The following MYO1D variants were observed in gnomAD, a reference collection of about 807,000 sequenced individuals.
The protein encoded by MYO1D is unconventional myosin-Id.
Under a neutral mutation model 122.0 loss-of-function variants are expected in MYO1D, and 83 were observed. The observed-to-expected ratio is 0.68, with a 90% CI of 0.57 to 0.82. The LOEUF (loss-of-function observed/expected upper bound fraction) is 0.82. Ranked by LOEUF, MYO1D falls within the 40% of genes least tolerant of loss-of-function variation. The pLI, the probability that MYO1D is intolerant of heterozygous loss-of-function variation, is 0.00. For synonymous variants in MYO1D, 464 were observed against 446.9 expected (o/e 1.04, Z -0.48); for missense variants, 1,157 against 1,269.5 (o/e 0.91, Z 1.35).
intron 1 of MYO1D, among the ~76,000 whole-genome samples, chr17:32,864,350 T>A (rs995329630): frequency 6.6e-6 from 1 of 151,966 alleles, no homozygotes; most frequent in African/African-American, 2.4e-5. Context: ...TGTAAAGGCA[T>A]GTCCCTTAGA....
rs183644097 is a variant in MYO1D, at chr17:32,848,711, G to A, written c.95+28067C>T. On this transcript the variant is annotated intron_variant, in intron 1 of 21. Coordinates refer to ENST00000318217, the MANE Select transcript of MYO1D (RefSeq NM_015194.3). ...TTTCTGTGGGGTATCAGTCCCTGAT[G>A]ACTTCCAGCTTGAATTACTGGTGCC... is the stretch of plus-strand genomic sequence containing the variant. 5.9e-5 allele frequency among the ~76,000 whole-genome samples: 9 copies of A among 152,258 alleles called. No individual in the cohort carries two copies. In the East Asian group the frequency reaches 1.7e-3, roughly 29 times the overall value.
chr17:32,814,112 G>A (rs1012622192), intron 1 of MYO1D, among the ~76,000 whole-genome samples: 9 of 152,160 alleles, frequency 5.9e-5, no homozygotes, highest in African/African-American at 1.9e-4. Flanking sequence ...CTGGGAGGCC[G>A]AGGTGGGCAG....
intron 21 of MYO1D, among the ~76,000 whole-genome samples, chr17:32,514,650 A>G (rs887468944): frequency 1.3e-5 from 2 of 152,244 alleles, no homozygotes. Context: ...GGTAAATTAT[A>G]GTTAGTTTGA....
At chr17:32,756,447 C>G (rs1263584000) in intron 10 of MYO1D, among the ~76,000 whole-genome samples, 4 of 152,046 alleles carry the variant, frequency 2.6e-5, no homozygotes. Flanking sequence ...ATGCCATGCA[C>G]TGAGGGTACA....
chr17:32,659,136 G>C lies in MYO1D; in HGVS notation c.2324C>G (p.Ala775Gly). Residue 775 changes from alanine (A) to glycine (G), a missense_variant, in exon 17 of 22, where the codon GCC (alanine) becomes GGC (glycine). Coordinates refer to ENST00000318217, the MANE Select transcript of MYO1D (RefSeq NM_015194.3). ...PPKVLRRFEE[A>G]LQTIFNRWRA... ...TTACCTATTGAAAATCGTCTGCAGGGCCTCCTCAAAACGGCGAAGAACTTT... is the reference window on the plus strand; with the variant it reads ...TTACCTATTGAAAATCGTCTGCAGGCCCTCCTCAAAACGGCGAAGAACTTT... 1 of 1,614,114 alleles carries C rather than the reference G, an allele frequency of 6.2e-7. No homozygotes were observed. Among genetic ancestry groups the C allele is most frequent in the Non-Finnish European group, 8.5e-7 (1 of 1,180,018 alleles).
intron 21 of MYO1D, among the ~76,000 whole-genome samples, chr17:32,549,618 T>G (rs2086993614): frequency 6.6e-6 from 1 of 152,192 alleles, no homozygotes; most frequent in African/African-American, 2.4e-5. Flanking sequence ...ATGAGTTGGA[T>G]GCCATGCTAG....
At chr17:32,626,783 T>C (rs796097618) in intron 20 of MYO1D, among the ~76,000 whole-genome samples, 3 of 152,332 alleles carry the variant, frequency 2.0e-5, no homozygotes, top group African/African-American at 7.2e-5. Flanking sequence ...TTCTGACTTC[T>C]TTCTCTCTTA....
intron 1 of MYO1D, among the ~76,000 whole-genome samples, chr17:32,870,283 A>C (rs537094287): frequency 2.6e-5 from 4 of 152,304 alleles, no homozygotes; most frequent in African/African-American, 7.2e-5. Flanking sequence ...GAAGCCAAAA[A>C]GATTTAGTGT....
intron 21 of MYO1D, among the ~76,000 whole-genome samples, chr17:32,592,055 C>T (rs554620354): frequency 3.3e-5 from 5 of 152,202 alleles, no homozygotes; most frequent in East Asian, 1.9e-4. Context: ...TCTAAGTTTT[C>T]GCAATTAAAA....
intron 1 of MYO1D, among the ~76,000 whole-genome samples, chr17:32,785,570 G>A (rs1035418860): frequency 6.6e-6 from 1 of 151,988 alleles, no homozygotes; most frequent in Non-Finnish European, 1.5e-5. Context: ...TCCAATTTAG[G>A]TTCCACTCCT....
At chr17:32,856,139 T>C (rs2091026001) in intron 1 of MYO1D, among the ~76,000 whole-genome samples, 1 of 152,174 alleles carries the variant, frequency 6.6e-6, no homozygotes, top group African/African-American at 2.4e-5. Flanking sequence ...AGCTATACTA[T>C]GGTCAGTGAG....
chr17:32,586,970 T>A (rs1276211099), intron 21 of MYO1D, among the ~76,000 whole-genome samples: 1 of 152,206 alleles, frequency 6.6e-6, no homozygotes, highest in East Asian at 1.9e-4. Flanking sequence ...GTTCTTCGTT[T>A]CAAAAACTTA....
intron 21 of MYO1D, among the ~76,000 whole-genome samples, chr17:32,574,265 T>C (rs1306149951): frequency 2.0e-5 from 3 of 151,812 alleles, no homozygotes; most frequent in Non-Finnish European, 4.4e-5. Flanking sequence ...TAGCATCTAG[T>C]ATAAGTGAAG....
intron 14 of MYO1D, among the ~76,000 whole-genome samples, chr17:32,735,188 CTTTAT>C (rs1457287299): frequency 2.7e-5 from 4 of 150,938 alleles, no homozygotes; most frequent in South Asian, 4.2e-4. Context: ...TCCATGTATA[CTTTAT>C]TTTATTATTT....
chr17:32,619,982 T>C (rs1430797339), intron 20 of MYO1D, among the ~76,000 whole-genome samples: 2 of 152,230 alleles, frequency 1.3e-5, no homozygotes, highest in East Asian at 3.8e-4. Context: ...CTTACTTAAA[T>C]CTTCTCTTTT....
chr17:32,846,386 A>G (rs57892431), intron 1 of MYO1D, among the ~76,000 whole-genome samples: 7,920 of 152,248 alleles, frequency 0.052, 632 homozygotes, highest in African/African-American at 0.18. Flanking sequence ...CCACAATATG[A>G]GCCAAGCACA....
chr17:32,707,055 T>C (rs2089318323), intron 16 of MYO1D, among the ~76,000 whole-genome samples: 1 of 152,138 alleles, frequency 6.6e-6, no homozygotes, highest in Non-Finnish European at 1.5e-5. Context: ...AAGACAAATT[T>C]CATTATATTG....
chr17:32,679,736 A>G (rs1281118791), intron 16 of MYO1D, among the ~76,000 whole-genome samples: 6 of 152,052 alleles, frequency 3.9e-5, no homozygotes, highest in African/African-American at 9.7e-5. Context: ...TTGACTTGGC[A>G]GTGCGGGGTC....
At chr17:32,783,589 A>G (rs2090262183) in intron 1 of MYO1D, among the ~76,000 whole-genome samples, 1 of 152,220 alleles carries the variant, frequency 6.6e-6, no homozygotes, top group Admixed American at 6.5e-5. Context: ...AGAATATGAT[A>G]TTAAATACAA....
Sources: allele counts gnomAD v4.1 joint callset (sites outside exome capture counted in the v4.1 genomes callset), GRCh38; gene constraint gnomAD v4.1.1; transcripts MANE v1.5; gene names NCBI Gene and HGNC (gene_info 2026-07-23, HGNC 2026-07-21).